The following CSMD1 variants were observed in gnomAD, a reference collection of about 807,000 sequenced individuals.
CSMD1 encodes CUB and sushi domain-containing protein 1.
CSMD1 carries 213 observed loss-of-function variants against 417.5 expected under a neutral mutation model. That is an observed-to-expected ratio of 0.51 (90% CI 0.46 to 0.57). The LOEUF (loss-of-function observed/expected upper bound fraction) is 0.57. CSMD1 is among the 20% of genes least tolerant of loss of function. CSMD1 has a pLI of 0.00. For missense variants in CSMD1, 6,923 were observed against 4,529.7 expected (o/e 1.53, Z -15.17); for synonymous variants, 2,862 against 1,736.8 (o/e 1.65, Z -16.11).
At chr8:4,716,192 C>T (rs548027476) in intron 1 of CSMD1, among the ~76,000 whole-genome samples, 82 of 152,282 alleles carry the variant, frequency 5.4e-4, no homozygotes, top group African/African-American at 1.8e-3. Context: ...GCAGGCGCCA[C>T]CCAATGGGGA....
intron 3 of CSMD1, among the ~76,000 whole-genome samples, chr8:4,095,679 T>C (rs1345689801): frequency 6.6e-6 from 1 of 152,160 alleles, no homozygotes; most frequent in African/African-American, 2.4e-5. Context: ...CTTGTAAAAT[T>C]AAAAGGTTAT....
chr8:3,926,952 G>C (rs903269482), intron 5 of CSMD1, among the ~76,000 whole-genome samples: 1 of 151,800 alleles, frequency 6.6e-6, no homozygotes, highest in Admixed American at 6.6e-5. Context: ...CTGACATCGT[G>C]ATCCACCCAC....
rs765904838 is a variant in CSMD1, at chr8:4,912,135, A to AAAAAAAAAAAAAAAAAAAAAG, written c.85+82196_85+82197insCTTTTTTTTTTTTTTTTTTTT. Among the ~76,000 whole-genome samples the AAAAAAAAAAAAAAAAAAAAAG allele has an allele frequency of 4.1e-3, 474 of 114,858 alleles. 1 individual carries two copies. The highest frequency in any genetic ancestry group is 6.3e-3 in the Non-Finnish European group (329 of 51,980). The allele number at this position is 114,858 out of a possible 152,430, so 75.4% of individuals were successfully genotyped here. A position where few individuals can be genotyped will look rare whatever the true frequency, so the allele number is the denominator to read the frequency against. The stretch of plus-strand genomic sequence containing the variant: ...TCAACATAGCTTCAAAAAAAAAAAA[A>AAAAAAAAAAAAAAAAAAAAAG]AAAAAAGAAAGAAAGAAAAGAAAAG... On this transcript the variant is annotated intron_variant, in intron 1 of 69. Coordinates refer to ENST00000635120, the MANE Select transcript of CSMD1 (RefSeq NM_033225.6).
intron 1 of CSMD1, among the ~76,000 whole-genome samples, chr8:4,676,318 T>A (rs941178275): frequency 6.6e-6 from 1 of 152,116 alleles, no homozygotes; most frequent in Admixed American, 6.6e-5. Flanking sequence ...TGCCAAACAC[T>A]GAAACAGAAG....
chr8:4,074,585 T>C (rs919452573), intron 3 of CSMD1, among the ~76,000 whole-genome samples: 4 of 152,160 alleles, frequency 2.6e-5, no homozygotes, highest in Non-Finnish European at 5.9e-5. Context: ...TAAATTATTC[T>C]ACCACAAATC....
At chr8:3,975,033 T>A (rs1284580737) in intron 5 of CSMD1, among the ~76,000 whole-genome samples, 1 of 152,216 alleles carries the variant, frequency 6.6e-6, no homozygotes, top group Non-Finnish European at 1.5e-5. Context: ...TTTTAAAGTA[T>A]TTTAAATCTT....
intron 3 of CSMD1, among the ~76,000 whole-genome samples, chr8:4,035,202 C>T (rs1424547351): frequency 6.6e-6 from 1 of 152,078 alleles, no homozygotes; most frequent in Non-Finnish European, 1.5e-5. Context: ...GTCGTAGTGC[C>T]AGCTATGATG....
At chr8:4,091,024 T>C (rs1270989754) in intron 3 of CSMD1, among the ~76,000 whole-genome samples, 1 of 151,914 alleles carries the variant, frequency 6.6e-6, no homozygotes, top group Non-Finnish European at 1.5e-5. Context: ...GTTCAAGTGA[T>C]TCTCCTGTCT....
chr8:3,407,600 T>C (rs79398107), intron 14 of CSMD1, among the ~76,000 whole-genome samples: 26 of 151,412 alleles, frequency 1.7e-4, no homozygotes, highest in Non-Finnish European at 3.4e-4. Context: ...GAATGATGGA[T>C]GGATGAATGG....
chr8:3,466,959 G>C (rs1816823217), intron 12 of CSMD1, among the ~76,000 whole-genome samples: 1 of 151,580 alleles, frequency 6.6e-6, no homozygotes, highest in South Asian at 2.1e-4. Flanking sequence ...TTACCTTTTT[G>C]CCTTTGGACT....
intron 25 of CSMD1, among the ~76,000 whole-genome samples, chr8:3,302,568 C>A (rs1407991020): frequency 6.6e-6 from 1 of 152,210 alleles, no homozygotes; most frequent in Non-Finnish European, 1.5e-5. Flanking sequence ...TTTTTTAAGA[C>A]ATCAAGTGCA....
At chr8:3,764,232 T>C (rs1170787539) in intron 5 of CSMD1, among the ~76,000 whole-genome samples, 1 of 152,186 alleles carries the variant, frequency 6.6e-6, no homozygotes, top group East Asian at 1.9e-4. Flanking sequence ...ACCTGCAAAG[T>C]ACGCTTCTCG....
chr8:3,363,151 C>T (rs1809309711), intron 20 of CSMD1, among the ~76,000 whole-genome samples: 3 of 152,146 alleles, frequency 2.0e-5, no homozygotes, highest in Admixed American at 1.3e-4. Context: ...GCTGAGAGCC[C>T]ACCCAAATTA....
intron 2 of CSMD1, among the ~76,000 whole-genome samples, chr8:4,608,280 G>A (rs868270271): frequency 6.6e-6 from 1 of 152,174 alleles, no homozygotes; most frequent in Non-Finnish European, 1.5e-5. Flanking sequence ...CTGCACCGTG[G>A]GCTAAGGAGG....
intron 2 of CSMD1, among the ~76,000 whole-genome samples, chr8:4,461,083 C>G (rs1448046024): frequency 6.6e-6 from 1 of 150,570 alleles, no homozygotes; most frequent in Non-Finnish European, 1.5e-5. Flanking sequence ...CTATTTATCT[C>G]AGGAATGCAA....
chr8:2,953,251 G>A (rs1802757539), intron 65 of CSMD1, among the ~76,000 whole-genome samples: 1 of 152,042 alleles, frequency 6.6e-6, no homozygotes, highest in African/African-American at 2.4e-5. Flanking sequence ...GCTTTAAAAA[G>A]CATTTTATAT....
intron 3 of CSMD1, among the ~76,000 whole-genome samples, chr8:4,075,942 T>G (rs2554688): frequency 1.3e-5 from 2 of 152,054 alleles, no homozygotes; most frequent in African/African-American, 4.8e-5. Flanking sequence ...AGAAAATAAA[T>G]CAGTACTCTT....
chr8:3,053,874 G>C (rs1373667080), intron 49 of CSMD1, among the ~76,000 whole-genome samples: 2 of 152,186 alleles, frequency 1.3e-5, no homozygotes, highest in Admixed American at 1.3e-4. Flanking sequence ...TACTCAATCA[G>C]TATTAAAGAT....
At chr8:3,658,462 T>TTATATATATA (rs1563242708) in intron 7 of CSMD1, among the ~76,000 whole-genome samples, 3 of 44,752 alleles carry the variant, frequency 6.7e-5, no homozygotes, top group Non-Finnish European at 1.2e-4. Flanking sequence ...AATATATATA[T>TTATATATATA]TGTGTATATA....
Sources: gnomAD v4.1 joint callset for allele counts (sites outside exome capture counted in the v4.1 genomes callset) on GRCh38, gnomAD v4.1.1 for gene constraint, MANE v1.5 for transcripts, NCBI Gene and HGNC (gene_info 2026-07-23, HGNC 2026-07-21) for gene names.